The following SUCO variants were observed in gnomAD, a reference collection of about 807,000 sequenced individuals.
The protein encoded by SUCO is SUN domain-containing ossification factor.
In SUCO, 57 loss-of-function variants were observed where a neutral mutation model predicts 148.1. The observed-to-expected ratio is 0.38, with a 90% CI of 0.31 to 0.48. The LOEUF is 0.48. Ranked by LOEUF, SUCO falls within the 20% of genes least tolerant of loss-of-function variation. The pLI is 0.96. For synonymous variants in SUCO, 470 were observed against 502.7 expected, an observed-to-expected ratio of 0.93 and a Z score of 0.87; for missense variants, 1,331 against 1,468.2, an observed-to-expected ratio of 0.91 and a Z score of 1.53.
intron 15 of SUCO, among the ~76,000 whole-genome samples, chr1:172,584,753 G>T (rs1195026807): frequency 6.6e-6 from 1 of 152,142 alleles, no homozygotes; most frequent in East Asian, 1.9e-4. Flanking sequence ...TCCAGCCTGG[G>T]CAACAGAGCA....
intron 6 of SUCO, among the ~76,000 whole-genome samples, chr1:172,561,004 G>A (rs902147554): frequency 6.6e-6 from 1 of 152,194 alleles, no homozygotes; most frequent in African/African-American, 2.4e-5. Context: ...AAAGAGGGTG[G>A]CACCGCCACC....
chr1:172,538,897 G>A (rs74642590), intron 1 of SUCO, among the ~76,000 whole-genome samples: 193 of 152,296 alleles, frequency 1.3e-3, no homozygotes, highest in African/African-American at 4.6e-3. Flanking sequence ...AAGAAGGTGT[G>A]TGACATCTTT....
rs1401857946 is a variant in SUCO, at chr1:172,577,546, T to C, written c.1271T>C (p.Ile424Thr). 9.3e-6 allele frequency: 15 copies of C among 1,610,914 alleles called. No individual in the cohort carries two copies. The highest frequency in any genetic ancestry group is 1.7e-5 in the Admixed American group (1 of 59,866). ...QMYAKYVKMF[I>T]KYIKVELLSH... ...TCCTTTCTCTTGCTTCAGATGTTCA[T>C]CAAGTACATAAAGGTTAGCAACCTT... is the stretch of plus-strand genomic sequence containing the variant. The change falls in exon 12 of 24, where the codon ATC (isoleucine) becomes ACC (threonine). Residue 424 changes from isoleucine (I) to threonine (T), a missense_variant. Physicochemically the swap from Ile to Thr is moderately conservative, Grantham distance 89. This residue lies in a region of SUCO where 992 missense variants were observed against 1,093.5 expected (regional missense o/e 0.91). Coordinates refer to ENST00000263688, the MANE Select transcript of SUCO (RefSeq NM_014283.5).
At chr1:172,608,860 A>G (rs770985582) in intron 23 of SUCO, 58 bp downstream of exon 23, 1 of 1,170,766 alleles carries the variant, frequency 8.5e-7, no homozygotes, top group Non-Finnish European at 1.3e-6. Flanking sequence ...AAATGAAGAA[A>G]AGAGGTTGAA....
intron 18 of SUCO, 144 bp downstream of exon 18, chr1:172,590,070 G>A (rs1420065223): frequency 1.6e-6 from 1 of 635,670 alleles, no homozygotes; most frequent in African/African-American, 1.9e-5. Flanking sequence ...GAGAAAGAAA[G>A]CTACTTGAAT....
At position 172,553,335 on chromosome 1, in the gene SUCO, C is replaced by T. The variant is rs769008393; in HGVS notation, c.253C>T (p.His85Tyr). Residue 85 changes from histidine (H) to tyrosine (Y), a missense_variant, in exon 3 of 24, where the codon CAT becomes TAT. Transcript: ENST00000263688. The stretch of plus-strand genomic sequence containing the variant: ...AAATTTACCTATTTCTCCAAAAGAA[C>T]ATAAATTAAAAGATGATTCTATTGT... ...GSNLPISPKE[H>Y]KLKDDSIVDV... is the part of the protein sequence containing the mutation. 7 of 1,603,694 alleles carry T rather than the reference C, an allele frequency of 4.4e-6. No individual in the cohort carries two copies. In the Admixed American group the frequency reaches 1.2e-4, roughly 27 times the overall value.
chr1:172,545,067 C>G (rs1344064478), intron 1 of SUCO, among the ~76,000 whole-genome samples: 1 of 152,066 alleles, frequency 6.6e-6, no homozygotes, highest in Non-Finnish European at 1.5e-5. Context: ...AAGGAGTAGT[C>G]ACAGGTGTTT....
intron 1 of SUCO, 22 bp downstream of exon 1, chr1:172,533,519 G>T: frequency 6.5e-7 from 1 of 1,527,936 alleles, no homozygotes. Context: ...CGACGACAAG[G>T]GAGTTCCCGT....
chr1:172,554,709 C>T (rs1653595579), intron 3 of SUCO, among the ~76,000 whole-genome samples: 1 of 150,294 alleles, frequency 6.7e-6, no homozygotes, highest in Admixed American at 6.6e-5. Flanking sequence ...TGCACTCCAG[C>T]CTGGGGCAAC....
chr1:172,566,732 G>A (rs1192308643), intron 6 of SUCO, among the ~76,000 whole-genome samples: 1 of 152,190 alleles, frequency 6.6e-6, no homozygotes, highest in Admixed American at 6.5e-5. Context: ...CTTCCAGGTT[G>A]CTGGATCCTT....
chr1:172,562,336 T>TA (rs1487692891), intron 6 of SUCO, among the ~76,000 whole-genome samples: 2 of 150,976 alleles, frequency 1.3e-5, no homozygotes, highest in African/African-American at 4.9e-5. Flanking sequence ...CATTTTTTTT[T>TA]TTTTTTTTTT....
chr1:172,585,913 ATCAACTCCTGTT>A lies in SUCO; in HGVS notation c.1636_1647del (p.Ser546_Val549del). Reference sequence around the variant, plus strand: ...CCACAGCTGCACCTAAAATGCCTGAATCAACTCCTGTTTCAACTCCTGTTCCATCTCCTGAGT... The same window carrying A: ...CCACAGCTGCACCTAAAATGCCTGAATCAACTCCTGTTCCATCTCCTGAGT... On this transcript the variant is annotated inframe_deletion, in exon 17 of 24. Coordinates refer to ENST00000263688, the MANE Select transcript of SUCO (RefSeq NM_014283.5). 1.2e-6 allele frequency: 2 copies of A among 1,611,362 alleles called. No individual in the cohort carries two copies. Among genetic ancestry groups the A allele is most frequent in the East Asian group, 2.2e-5 (1 of 44,766 alleles).
chr1:172,553,444 C>T lies in SUCO; in HGVS notation c.288+74C>T, dbSNP rs186577207. 29 of 1,097,806 alleles carry T rather than the reference C, an allele frequency of 2.6e-5. No individual in the cohort carries two copies. The Admixed American group carries it at 6.5e-4, about 25-fold the overall frequency. The allele number at this position is 1,097,806 out of a possible 1,614,324, so 68.0% of individuals were successfully genotyped here. A position where few individuals can be genotyped will look rare whatever the true frequency, so the allele number is the denominator to read the frequency against. On this transcript the variant is annotated intron_variant, in intron 3 of 23. Transcript: ENST00000263688. ...TTACAAGATTGAAAACCTTTGGTCA[C>T]CATATTGTGTGTGTATTGTTAGTTT...
intron 6 of SUCO, among the ~76,000 whole-genome samples, chr1:172,559,153 G>A (rs1488939791): frequency 1.3e-5 from 2 of 152,126 alleles, no homozygotes; most frequent in Non-Finnish European, 2.9e-5. Context: ...AAGGATCTGT[G>A]AGACACTGAT....
rs1651748104 is a variant in SUCO, at chr1:172,533,355, C to A, written c.-81C>A. 2 of 1,551,560 alleles carry A rather than the reference C, an allele frequency of 1.3e-6. No homozygotes were observed. The highest frequency in any genetic ancestry group is 2.4e-5 in the East Asian group (1 of 40,934). On this transcript the variant is annotated 5_prime_UTR_variant, in exon 1 of 24. Transcript: ENST00000263688. ...CGGTCACATTCTCGCGCTCCTGCTC[C>A]GGCTCCTCCATCTTGGCCTCGGCAG...
At chr1:172,602,904 CT>C in intron 22 of SUCO, 117 bp downstream of exon 22, 2 of 838,598 alleles carry the variant, frequency 2.4e-6, no homozygotes, top group South Asian at 1.6e-5. Flanking sequence ...TACAAGTAGC[CT>C]TTGTCTTTGT....
chr1:172,605,909 A>G (rs1422934158), intron 22 of SUCO, among the ~76,000 whole-genome samples: 3 of 151,674 alleles, frequency 2.0e-5, no homozygotes, highest in Non-Finnish European at 4.4e-5. Flanking sequence ...ACAGTGTTTT[A>G]TTGCTAAGAT....
At chr1:172,545,717 A>G (rs1184921766) in intron 1 of SUCO, among the ~76,000 whole-genome samples, 1 of 152,248 alleles carries the variant, frequency 6.6e-6, no homozygotes, top group Non-Finnish European at 1.5e-5. Flanking sequence ...GTGAAATTTG[A>G]TAAGTGAAAG....
intron 15 of SUCO, 83 bp downstream of exon 15, chr1:172,579,350 G>A: frequency 1.2e-6 from 1 of 823,834 alleles, no homozygotes; most frequent in African/African-American, 1.7e-5. Context: ...TATGGTTGAG[G>A]AGAATTCTCC....
Sources: allele counts gnomAD v4.1 joint callset (sites outside exome capture counted in the v4.1 genomes callset), GRCh38; gene constraint gnomAD v4.1.1; regional missense constraint gnomAD v4.1.1; transcripts MANE v1.5; gene names NCBI Gene and HGNC (gene_info 2026-07-23, HGNC 2026-07-21).